The following GRM5 variants were observed in gnomAD, a reference collection of about 807,000 sequenced individuals.
The protein encoded by GRM5 is glutamate metabotropic receptor 5, also known as metabotropic glutamate receptor 5.
In GRM5, 19 loss-of-function variants were observed where a neutral mutation model predicts 83.1. The ratio of observed to expected loss-of-function variants is 0.23; its 90% confidence interval spans 0.16 to 0.34. GRM5 has a LOEUF of 0.34. Ranked by LOEUF, GRM5 falls within the 10% of genes least tolerant of loss-of-function variation. The pLI is 1.00. For synonymous variants in GRM5, 675 were observed against 633.6 expected, an observed-to-expected ratio of 1.07 and a Z score of -0.98; for missense variants, 1,160 against 1,588.3, an observed-to-expected ratio of 0.73 and a Z score of 4.58.
chr11:88,971,501 T>C (rs1939163284), intron 2 of GRM5, among the ~76,000 whole-genome samples: 1 of 152,128 alleles, frequency 6.6e-6, no homozygotes, highest in African/African-American at 2.4e-5. Context: ...ACTTAATATT[T>C]AGCCCCCACT....
intron 7 of GRM5, among the ~76,000 whole-genome samples, chr11:88,581,284 T>G (rs1294585363): frequency 2.6e-5 from 4 of 152,242 alleles, no homozygotes; most frequent in African/African-American, 9.6e-5. Context: ...CTTGAACAGT[T>G]AATGCATACG....
chr11:88,656,940 T>G (rs937747467), intron 3 of GRM5, among the ~76,000 whole-genome samples: 1 of 152,034 alleles, frequency 6.6e-6, no homozygotes, highest in African/African-American at 2.4e-5. Context: ...CTGAGCATCT[T>G]TAGATTTTGG....
At chr11:89,006,623 G>A (rs1018973163) in intron 2 of GRM5, among the ~76,000 whole-genome samples, 10 of 152,108 alleles carry the variant, frequency 6.6e-5, no homozygotes, top group South Asian at 4.1e-4. Flanking sequence ...TCATTTTCAC[G>A]CCTTGCTTTC....
intron 7 of GRM5, among the ~76,000 whole-genome samples, chr11:88,579,544 G>A (rs1325068904): frequency 6.6e-6 from 1 of 152,170 alleles, no homozygotes; most frequent in Admixed American, 6.6e-5. Context: ...AGGACTTGAG[G>A]AAGGAAAGAA....
intron 2 of GRM5, among the ~76,000 whole-genome samples, chr11:88,871,914 A>C (rs1216231738): frequency 2.0e-5 from 3 of 151,510 alleles, no homozygotes; most frequent in Non-Finnish European, 4.4e-5. Flanking sequence ...CAGATGAAAA[A>C]AAAAGTTCAA....
chr11:88,534,287 C>T (rs4133731), intron 8 of GRM5, among the ~76,000 whole-genome samples: 44,199 of 152,072 alleles, frequency 0.29, 7,336 homozygotes, highest in East Asian at 0.63. Context: ...CCTGGAAAAG[C>T]GGTAGACACT....
chr11:88,880,337 T>C (rs913356552), intron 2 of GRM5, among the ~76,000 whole-genome samples: 3 of 152,134 alleles, frequency 2.0e-5, no homozygotes, highest in African/African-American at 7.2e-5. Flanking sequence ...GAAGAGATTA[T>C]GGCAATAGGA....
intron 2 of GRM5, among the ~76,000 whole-genome samples, chr11:88,979,233 C>T (rs944812887): frequency 6.6e-6 from 1 of 152,156 alleles, no homozygotes; most frequent in Non-Finnish European, 1.5e-5. Flanking sequence ...TCTTTTAAAA[C>T]AACAGTAGCC....
rs746271079 is a variant in GRM5 at position 88,590,640 on chromosome 11, C to A, written c.1651G>T (p.Ala551Ser). ...EYVFDEYTCKACQLGSWPTDD... is the reference protein window; with the variant it reads ...EYVFDEYTCKSCQLGSWPTDD... The stretch of plus-strand genomic sequence containing the variant: ...GTGGGCCAAGACCCCAGTTGGCATG[C>A]CTTGCATGTGTACTCATCAAAGACA... Residue 551 changes from alanine (A) to serine (S), a missense_variant, in exon 7 of 10, where the codon GCA becomes TCA. Around this residue, in one of 9 missense-constraint regions of GRM5, gnomAD observed 132 missense variants for 245.5 expected, o/e 0.54. Coordinates refer to ENST00000305447, the MANE Select transcript of GRM5 (RefSeq NM_001143831.3). The A allele has an allele frequency of 2.5e-6, 4 of 1,609,324 alleles. No homozygotes were observed. The highest frequency in any genetic ancestry group is 1.3e-5 in the African/African-American group (1 of 74,798).
chr11:88,990,704 C>G (rs946674978), intron 2 of GRM5, among the ~76,000 whole-genome samples: 1 of 151,016 alleles, frequency 6.6e-6, no homozygotes, highest in Admixed American at 6.6e-5. Flanking sequence ...AAGGCTGGTT[C>G]AATATACGCA....
At chr11:88,856,950 T>A (rs1275165153) in intron 2 of GRM5, among the ~76,000 whole-genome samples, 3 of 152,098 alleles carry the variant, frequency 2.0e-5, no homozygotes, top group African/African-American at 7.2e-5. Flanking sequence ...CGCATACTGA[T>A]CTTTTTCACT....
intron 2 of GRM5, among the ~76,000 whole-genome samples, chr11:88,941,478 AGGGGAGAGGAGGGGAGAGGAG>A (rs1938096207): frequency 1.4e-5 from 1 of 73,122 alleles, no homozygotes; most frequent in Non-Finnish European, 2.2e-5. Flanking sequence ...AGAAGAGGGG[AGGGGAGAGGAGGGGAGAGGAG>A]GGGAGAGGAG....
chr11:88,733,132 C>A (rs543679480), intron 3 of GRM5, among the ~76,000 whole-genome samples: 1 of 151,882 alleles, frequency 6.6e-6, no homozygotes, highest in Non-Finnish European at 1.5e-5. Context: ...TGTACTATAA[C>A]GTGTAGTTTC....
At chr11:88,687,408 C>T (rs868842032) in intron 3 of GRM5, among the ~76,000 whole-genome samples, 8 of 143,274 alleles carry the variant, frequency 5.6e-5, no homozygotes, top group Admixed American at 2.9e-4. Flanking sequence ...ACCCGGGAGG[C>T]GGAGCTTGCA....
chr11:88,552,719 A>G (rs308786), intron 8 of GRM5, among the ~76,000 whole-genome samples: 37,361 of 152,042 alleles, frequency 0.25, 7,144 homozygotes, highest in African/African-American at 0.54. Context: ...TTGACACACA[A>G]GGTCTGATTC....
chr11:88,993,265 C>CAAAA lies in GRM5; in HGVS notation c.661+53943_661+53946dup, dbSNP rs71046275. 9.7e-5 allele frequency among the ~76,000 whole-genome samples: 10 copies of CAAAA among 102,616 alleles called. No individual in the cohort carries two copies. The South Asian group carries it at 1.5e-3, about 15-fold the overall frequency. The allele number at this position is 102,616 out of a possible 152,430, so 67.3% of individuals were successfully genotyped here. ...TGGAGGACAGAGTGAGACTCTGTCT[C>CAAAA]AAAAAAAAAAAAAAAAAAGACAAGT... On this transcript the variant is annotated intron_variant, in intron 2 of 9. Transcript: ENST00000305447.
chr11:88,998,821 A>G (rs1328229104), intron 2 of GRM5, among the ~76,000 whole-genome samples: 1 of 152,212 alleles, frequency 6.6e-6, no homozygotes, highest in African/African-American at 2.4e-5. Context: ...AAAAATTACC[A>G]TTTACAATCA....
intron 2 of GRM5, among the ~76,000 whole-genome samples, chr11:89,018,591 G>A (rs994980944): frequency 3.9e-5 from 6 of 151,958 alleles, no homozygotes; most frequent in Admixed American, 6.6e-5. Context: ...ACTGGGATAC[G>A]GAAATTAAAG....
chr11:88,996,591 T>A (rs1814194422), intron 2 of GRM5, among the ~76,000 whole-genome samples: 1 of 152,216 alleles, frequency 6.6e-6, no homozygotes, highest in South Asian at 2.1e-4. Context: ...GGTACTTCCA[T>A]GCCACGCTCT....
Sources: allele counts gnomAD v4.1 joint callset (sites outside exome capture counted in the v4.1 genomes callset), GRCh38; gene constraint gnomAD v4.1.1; regional missense constraint gnomAD v4.1.1; transcripts MANE v1.5; gene names NCBI Gene and HGNC (gene_info 2026-07-23, HGNC 2026-07-21).